ZSWIM6: variants seen among roughly 807,000 people sequenced by gnomAD.
ZSWIM6 encodes the protein zinc finger SWIM-type containing 6, also known as zinc finger SWIM domain-containing protein 6.
ZSWIM6 carries 9 observed loss-of-function variants against 113.2 expected under a neutral mutation model. That is an observed-to-expected ratio of 0.08 (90% confidence interval 0.05 to 0.14). The LOEUF is 0.14. Among genes scored for constraint, ZSWIM6 ranks in the 10% least tolerant of loss-of-function variants. The pLI is 1.00. For missense variants in ZSWIM6, 1,162 were observed against 1,552.2 expected (o/e 0.75, Z 4.22); for synonymous variants, 611 against 606.5 (o/e 1.01, Z -0.11).
intron 3 of ZSWIM6, among the ~76,000 whole-genome samples, chr5:61,493,388 C>A (rs1238627875): frequency 6.6e-6 from 1 of 152,210 alleles, no homozygotes; most frequent in Non-Finnish European, 1.5e-5. Context: ...ATACTAAAAA[C>A]CATTGAATTG....
chr5:61,412,034 A>T (rs1369462303), intron 1 of ZSWIM6, among the ~76,000 whole-genome samples: 2 of 152,222 alleles, frequency 1.3e-5, no homozygotes, highest in Non-Finnish European at 1.5e-5. Flanking sequence ...TTCAGCCCAC[A>T]AGAAATGAAA....
intron 1 of ZSWIM6, among the ~76,000 whole-genome samples, chr5:61,365,787 G>A (rs1745137145): frequency 6.6e-6 from 1 of 152,160 alleles, no homozygotes; most frequent in East Asian, 1.9e-4. Flanking sequence ...TTGGCATAGT[G>A]TACTGAAAAG....
chr5:61,432,602 T>C (rs917870350), intron 1 of ZSWIM6, among the ~76,000 whole-genome samples: 1 of 152,214 alleles, frequency 6.6e-6, no homozygotes, highest in Non-Finnish European at 1.5e-5. Context: ...GGAATCATAT[T>C]GCCTATCCTG....
At chr5:61,527,870 G>A (rs1749329001) in intron 7 of ZSWIM6, among the ~76,000 whole-genome samples, 1 of 150,902 alleles carries the variant, frequency 6.6e-6, no homozygotes, top group African/African-American at 2.4e-5. Flanking sequence ...AAAAATGTTA[G>A]TTAGTTTCCT....
chr5:61,380,838 C>T (rs1293595511), intron 1 of ZSWIM6, among the ~76,000 whole-genome samples: 2 of 152,092 alleles, frequency 1.3e-5, no homozygotes, highest in African/African-American at 2.4e-5. Flanking sequence ...AGGTGGCTCA[C>T]GCCTATAGTC....
chr5:61,395,759 G>T (rs950529569), intron 1 of ZSWIM6, among the ~76,000 whole-genome samples: 1 of 152,100 alleles, frequency 6.6e-6, no homozygotes, highest in Non-Finnish European at 1.5e-5. Flanking sequence ...GCCACAGTAG[G>T]CCATGAACTA....
chr5:61,540,664 AT>A (rs1749704017), intron 12 of ZSWIM6, among the ~76,000 whole-genome samples: 1 of 152,022 alleles, frequency 6.6e-6, no homozygotes, highest in Non-Finnish European at 1.5e-5. Context: ...TTTTTTTTTA[AT>A]TCTTGTTATT....
intron 1 of ZSWIM6, among the ~76,000 whole-genome samples, chr5:61,449,794 G>A (rs1747047937): frequency 6.6e-6 from 1 of 150,580 alleles, no homozygotes; most frequent in South Asian, 2.1e-4. Flanking sequence ...TGTAAGGGTG[G>A]GTACTTTAGG....
intron 1 of ZSWIM6, among the ~76,000 whole-genome samples, chr5:61,336,063 G>C (rs1744385680): frequency 6.6e-6 from 1 of 152,238 alleles, no homozygotes; most frequent in East Asian, 1.9e-4. Context: ...AGAAGTTCTA[G>C]ACCAGACTGG....
chr5:61,394,189 C>G (rs1411331897), intron 1 of ZSWIM6, among the ~76,000 whole-genome samples: 1 of 152,196 alleles, frequency 6.6e-6, no homozygotes, highest in African/African-American at 2.4e-5. Context: ...AAAGAAAATT[C>G]CCATCCTTTA....
At chr5:61,400,446 A>C (rs1416370949) in intron 1 of ZSWIM6, among the ~76,000 whole-genome samples, 1 of 152,218 alleles carries the variant, frequency 6.6e-6, no homozygotes, top group Non-Finnish European at 1.5e-5. Context: ...AGTGAGCAGC[A>C]CAAGGCATGC....
At chr5:61,460,386 C>T (rs1005384909) in intron 1 of ZSWIM6, among the ~76,000 whole-genome samples, 11 of 152,078 alleles carry the variant, frequency 7.2e-5, no homozygotes, top group African/African-American at 2.7e-4. Context: ...TGTCCTGTTA[C>T]TGTATGAGTT....
chr5:61,364,160 T>G (rs927022801), intron 1 of ZSWIM6, among the ~76,000 whole-genome samples: 1 of 152,176 alleles, frequency 6.6e-6, no homozygotes, highest in Non-Finnish European at 1.5e-5. Flanking sequence ...TCCTCCCACC[T>G]CCGCCTCCTG....
chr5:61,531,739 G>A lies in ZSWIM6; in HGVS notation c.2245+14G>A. On this transcript the variant is annotated intron_variant, in intron 9 of 13. Transcript: ENST00000252744. Reference sequence around the variant, plus strand: ...TCCTATTAGAAGGTAGCCTGATACAGAAGTTTTCCACTTATTTAGCCAATT... The same window carrying A: ...TCCTATTAGAAGGTAGCCTGATACAAAAGTTTTCCACTTATTTAGCCAATT... The A allele has an allele frequency of 6.5e-7, 1 of 1,549,740 alleles. No homozygotes were observed. The highest frequency in any genetic ancestry group is 8.7e-7 in the Non-Finnish European group (1 of 1,145,624).
intron 1 of ZSWIM6, among the ~76,000 whole-genome samples, chr5:61,421,342 A>G (rs1746351819): frequency 6.6e-6 from 1 of 152,188 alleles, no homozygotes; most frequent in Non-Finnish European, 1.5e-5. Flanking sequence ...GGTCCCACAA[A>G]TAAGTGAGAA....
At position 61,533,849 on chromosome 5, in the gene ZSWIM6, G is replaced by A. The variant is rs535284343; in HGVS notation, c.2246-1635G>A. 2.6e-5 allele frequency among the ~76,000 whole-genome samples: 4 copies of A among 152,308 alleles called. No homozygotes were observed. The South Asian group carries it at 8.3e-4, about 32-fold the overall frequency. ...AAATGTATTTCTCACAGTTCTGGAG[G>A]CTGGGAAGTTTAGAATCATGGTGCC... On this transcript the variant is annotated intron_variant, in intron 9 of 13. Transcript: ENST00000252744.
At chr5:61,389,178 C>T (rs1278589325) in intron 1 of ZSWIM6, among the ~76,000 whole-genome samples, 1 of 152,088 alleles carries the variant, frequency 6.6e-6, no homozygotes, top group African/African-American at 2.4e-5. Context: ...TGGGAAGGTG[C>T]TCTCTCACCA....
At chr5:61,405,516 C>A (rs1746025424) in intron 1 of ZSWIM6, among the ~76,000 whole-genome samples, 1 of 152,176 alleles carries the variant, frequency 6.6e-6, no homozygotes, top group Non-Finnish European at 1.5e-5. Flanking sequence ...GAAGAAATTA[C>A]AGAGGTGGCA....
chr5:61,393,731 A>C (rs1438347936), intron 1 of ZSWIM6, among the ~76,000 whole-genome samples: 1 of 58,550 alleles, frequency 1.7e-5, no homozygotes, highest in Non-Finnish European at 3.7e-5. Flanking sequence ...GAGCGAAACT[A>C]TCTCAAAAAA....
Sources: allele counts gnomAD v4.1 joint callset (sites outside exome capture counted in the v4.1 genomes callset), GRCh38; gene constraint gnomAD v4.1.1; transcripts MANE v1.5; gene names NCBI Gene and HGNC (gene_info 2026-07-23, HGNC 2026-07-21).